The following METTL15 variants were observed in gnomAD, a reference collection of about 807,000 sequenced individuals.
The protein encoded by METTL15 is 12S rRNA N(4)-cytidine methyltransferase METTL15.
Under a neutral mutation model 38.3 loss-of-function variants are expected in METTL15, and 34 were observed. The observed-to-expected ratio is 0.89, with a 90% CI of 0.68 to 1.18. METTL15 has a LOEUF of 1.18. METTL15 is among the 50% of genes most tolerant of loss of function. The pLI, the probability that METTL15 is intolerant of heterozygous loss-of-function variation, is 0.00. For missense variants in METTL15, 438 were observed against 498.4 expected (o/e 0.88, Z 1.15); for synonymous variants, 162 against 170.9 (o/e 0.95, Z 0.41).
At chr11:28,119,921 G>C (rs1430629050) in intron 3 of METTL15, among the ~76,000 whole-genome samples, 1 of 152,128 alleles carries the variant, frequency 6.6e-6, no homozygotes, top group East Asian at 1.9e-4. Flanking sequence ...CTAAGGAATA[G>C]GACCAATGGC....
intron 6 of METTL15, among the ~76,000 whole-genome samples, chr11:28,427,740 T>A (rs1219541965): frequency 6.6e-6 from 1 of 152,222 alleles, no homozygotes; most frequent in African/African-American, 2.4e-5. Flanking sequence ...AGCTTGCCTG[T>A]TGTTGGTGTA....
intron 6 of METTL15, among the ~76,000 whole-genome samples, chr11:28,500,529 C>G (rs1035874806): frequency 9.9e-5 from 15 of 151,932 alleles, no homozygotes; most frequent in African/African-American, 3.6e-4. Context: ...CAATATTTTT[C>G]CAATGTCTTT....
rs185825590 is a variant in METTL15 at position 28,393,525 on chromosome 11, G to A, written c.*359-30774G>A. Among the ~76,000 whole-genome samples the A allele has an allele frequency of 3.9e-5, 6 of 152,138 alleles. No homozygotes were observed. In the East Asian group the frequency reaches 7.8e-4, roughly 20 times the overall value. On this transcript the variant is annotated intron_variant and NMD_transcript_variant, in intron 5 of 7. Coordinates refer to the METTL15 transcript ENST00000532947. Reference sequence around the variant, plus strand: ...GCTATTTGAAGACAGCTGGCTGGACGATCTAGCTTCAAAATGATAAAATGA... The same window carrying A: ...GCTATTTGAAGACAGCTGGCTGGACAATCTAGCTTCAAAATGATAAAATGA...
At chr11:28,207,400 C>A (rs1852397530) in intron 3 of METTL15, among the ~76,000 whole-genome samples, 1 of 151,962 alleles carries the variant, frequency 6.6e-6, no homozygotes, top group Non-Finnish European at 1.5e-5. Context: ...TGTTTATATG[C>A]TGGATTACAT....
intron 6 of METTL15, among the ~76,000 whole-genome samples, chr11:28,502,621 A>G (rs1851594211): frequency 6.6e-6 from 1 of 152,258 alleles, no homozygotes. Context: ...ATATTTTTAT[A>G]AGATATGAAT....
At chr11:28,142,323 G>T (rs1849727782) in intron 3 of METTL15, among the ~76,000 whole-genome samples, 2 of 152,090 alleles carry the variant, frequency 1.3e-5, no homozygotes, top group Admixed American at 6.5e-5. Context: ...TTCTAGTAAG[G>T]CAAGAACAGG....
intron 6 of METTL15, among the ~76,000 whole-genome samples, chr11:28,329,845 T>A (rs1849755550): frequency 6.6e-6 from 1 of 152,174 alleles, no homozygotes; most frequent in African/African-American, 2.4e-5. Flanking sequence ...AGACTTAGCC[T>A]TCTTCGTAAA....
At chr11:28,110,985 G>A (rs555144260) in intron 2 of METTL15, among the ~76,000 whole-genome samples, 43 of 152,290 alleles carry the variant, frequency 2.8e-4, no homozygotes, top group Admixed American at 2.5e-3. Flanking sequence ...CTAGCAGACT[G>A]CAGGAGAGCT....
chr11:28,204,175 T>C (rs555499538), intron 3 of METTL15, among the ~76,000 whole-genome samples: 30 of 152,176 alleles, frequency 2.0e-4, no homozygotes, highest in African/African-American at 6.7e-4. Context: ...AGTTGGGGGA[T>C]TGTAGAAATC....
chr11:28,516,150 A>G (rs1851717680), intron 6 of METTL15, among the ~76,000 whole-genome samples: 2 of 152,232 alleles, frequency 1.3e-5, no homozygotes. Context: ...TGTTACAGAA[A>G]ATTCAAATTC....
chr11:28,358,427 A>G (rs1444551321), intron 4 of METTL15, among the ~76,000 whole-genome samples: 3 of 152,208 alleles, frequency 2.0e-5, no homozygotes, highest in Non-Finnish European at 2.9e-5. Context: ...CCACGTTTGT[A>G]ACTTTCCCTG....
At chr11:28,119,477 G>A (rs1010526613) in intron 3 of METTL15, among the ~76,000 whole-genome samples, 1 of 152,148 alleles carries the variant, frequency 6.6e-6, no homozygotes, top group Non-Finnish European at 1.5e-5. Context: ...GGCCAGGTCT[G>A]ATCAAGTAAC....
chr11:28,383,582 A>G (rs1406273100), intron 5 of METTL15, among the ~76,000 whole-genome samples: 2 of 152,186 alleles, frequency 1.3e-5, no homozygotes, highest in East Asian at 1.9e-4. Flanking sequence ...CATTCCCACC[A>G]GCAGTGTGTA....
intron 5 of METTL15, among the ~76,000 whole-genome samples, chr11:28,392,094 C>G (rs557575116): frequency 6.6e-6 from 1 of 152,224 alleles, no homozygotes; most frequent in South Asian, 2.1e-4. Flanking sequence ...CCAGAATCTA[C>G]TATGAACTCA....
chr11:28,251,349 T>G (rs888196434), intron 4 of METTL15, among the ~76,000 whole-genome samples: 2 of 152,084 alleles, frequency 1.3e-5, no homozygotes, highest in Non-Finnish European at 2.9e-5. Flanking sequence ...AGCAGTAAAT[T>G]TTGTAAGTAA....
chr11:28,126,267 C>CCTTG (rs1325177842), intron 3 of METTL15, among the ~76,000 whole-genome samples: 2 of 152,070 alleles, frequency 1.3e-5, no homozygotes, highest in African/African-American at 2.4e-5. Context: ...TATCCTCCTT[C>CCTTG]CTTGCTTGTT....
chr11:28,383,613 A>T (rs1014121558), intron 5 of METTL15, among the ~76,000 whole-genome samples: 14 of 152,006 alleles, frequency 9.2e-5, no homozygotes, highest in African/African-American at 3.4e-4. Flanking sequence ...TTTCTCCACA[A>T]TCTCACCAGC....
At chr11:28,249,319 T>C (rs1223601815) in intron 4 of METTL15, among the ~76,000 whole-genome samples, 2 of 152,116 alleles carry the variant, frequency 1.3e-5, no homozygotes, top group African/African-American at 2.4e-5. Flanking sequence ...ATGTTACACA[T>C]AGTACACATT....
chr11:28,109,900 A>G (rs186618117), intron 1 of METTL15, among the ~76,000 whole-genome samples: 18 of 152,330 alleles, frequency 1.2e-4, no homozygotes, highest in Non-Finnish European at 2.1e-4. Flanking sequence ...CATTACAATC[A>G]ATCCCACTAC....
Sources: gnomAD v4.1 joint callset for allele counts (sites outside exome capture counted in the v4.1 genomes callset) on GRCh38, gnomAD v4.1.1 for gene constraint, MANE v1.5 for transcripts, NCBI Gene and HGNC (gene_info 2026-07-23, HGNC 2026-07-21) for gene names.